The following PI4KA variants were observed in gnomAD, a reference collection of about 807,000 sequenced individuals.
PI4KA encodes the protein phosphatidylinositol 4-kinase alpha.
A neutral mutation model predicts 271.4 loss-of-function variants in PI4KA; 122 were observed. The observed-to-expected ratio is 0.45, with a 90% CI of 0.39 to 0.52. PI4KA has a LOEUF of 0.52. Among genes scored for constraint, PI4KA ranks in the 20% least tolerant of loss-of-function variants. The pLI, the probability that PI4KA is intolerant of heterozygous loss-of-function variation, is 0.00. For missense variants in PI4KA, 1,969 were observed against 2,769.1 expected (o/e 0.71, Z 6.48); for synonymous variants, 1,041 against 1,078.8 (o/e 0.96, Z 0.69).
At chr22:20,763,074 C>T (rs1295191694) in intron 22 of PI4KA, among the ~76,000 whole-genome samples, 4 of 149,034 alleles carry the variant, frequency 2.7e-5, no homozygotes, top group Admixed American at 6.8e-5. Context: ...TCAAAACTTC[C>T]GGGCTCAAGT....
At chr22:20,739,627 CCCAAGATGA>C (rs1929170610) in intron 32 of PI4KA, among the ~76,000 whole-genome samples, 1 of 71,500 alleles carries the variant, frequency 1.4e-5, no homozygotes, top group South Asian at 4.2e-4. Context: ...AAGAAACTGA[CCCAAGATGA>C]CTCAAATACA....
intron 23 of PI4KA, among the ~76,000 whole-genome samples, chr22:20,757,735 G>A (rs1227718545): frequency 6.6e-6 from 1 of 152,028 alleles, no homozygotes; most frequent in African/African-American, 2.4e-5. Flanking sequence ...GTAGAGATGG[G>A]GTTTCATCAT....
intron 1 of PI4KA, among the ~76,000 whole-genome samples, chr22:20,855,592 C>A (rs1264054984): frequency 6.6e-6 from 1 of 152,190 alleles, no homozygotes; most frequent in Non-Finnish European, 1.5e-5. Flanking sequence ...CATGTCAGGG[C>A]TGCCTGTAGA....
At position 20,799,269 on chromosome 22, in the gene PI4KA, G is replaced by T; in HGVS notation, c.1828C>A (p.His610Asn). The T allele has an allele frequency of 6.6e-7, 1 of 1,522,788 alleles. No individual in the cohort carries two copies. Among genetic ancestry groups the T allele is most frequent in the South Asian group, 1.3e-5 (1 of 75,422 alleles). 94.3% of individuals were successfully genotyped at this position (1,522,788 alleles called of 1,614,324 possible). The change falls in exon 16 of 55, where the codon CAC becomes AAC. Residue 610 changes from histidine (H) to asparagine (N), a missense_variant. His to Asn is a moderately conservative substitution (Grantham distance 68). This residue lies in a region of PI4KA where 228 missense variants were observed against 261.6 expected (regional missense o/e 0.87). Transcript: ENST00000255882. ...YISQESDKDA[H>N]LIPDHTIRAL... is the part of the protein sequence containing the mutation. ...CGGATTGTGTGGTCGGGAATCAAGT[G>T]AGCGTCCCTACAGAAGGAAGAACAG...
chr22:20,793,081 T>C (rs11704244), intron 19 of PI4KA, 112 bp downstream of exon 19: 11 of 728,772 alleles, frequency 1.5e-5, no homozygotes, highest in African/African-American at 8.8e-5. Flanking sequence ...TCTAGAGGCA[T>C]AGGGGCCTCA....
chr22:20,751,706 T>C lies in PI4KA; in HGVS notation c.3037A>G (p.Ile1013Val). 2 of 1,614,076 alleles carry C rather than the reference T, an allele frequency of 1.2e-6. No homozygotes were observed. Among genetic ancestry groups the C allele is most frequent in the Non-Finnish European group, 1.7e-6 (2 of 1,179,984 alleles). Reference protein sequence around the residue: ...SGTVLKTMLDILQTLSLSLSA... With the variant: ...SGTVLKTMLDVLQTLSLSLSA... ...AGTGACAGTGACAGGGTCTGCAGGA[T>C]GTCCAGCATGGTCTTCAGCACAGTC... The change falls in exon 26 of 55, where the codon ATC becomes GTC. Residue 1013 changes from isoleucine (I) to valine (V), a missense_variant. Transcript: ENST00000255882.
Position 20,805,588 on chromosome 22 carries a change from C to G in PI4KA, c.1169-423G>C, listed in dbSNP as rs546008580. Among the ~76,000 whole-genome samples, 7 of 151,986 alleles carry G rather than the reference C, an allele frequency of 4.6e-5. No homozygotes were observed. The East Asian group carries it at 1.4e-3, about 30-fold the overall frequency. On this transcript the variant is annotated intron_variant, in intron 10 of 54. Transcript: ENST00000255882. ...TGGCTCACGCCTGTAATCTCAGCAA[C>G]TTGGGAGGCCGAGGCGGGCAGATCA...
chr22:20,737,558 T>C (rs534436043), intron 32 of PI4KA, among the ~76,000 whole-genome samples: 1 of 151,838 alleles, frequency 6.6e-6, no homozygotes, highest in Admixed American at 6.5e-5. Context: ...CCAGGTACAA[T>C]GTGAGGGCTG....
At chr22:20,845,996 G>A (rs1222652510) in intron 1 of PI4KA, among the ~76,000 whole-genome samples, 1 of 152,130 alleles carries the variant, frequency 6.6e-6, no homozygotes, top group African/African-American at 2.4e-5. Context: ...TGTGGCTCAC[G>A]CCTGTAATCC....
At chr22:20,838,389 T>C (rs986654714) in intron 2 of PI4KA, among the ~76,000 whole-genome samples, 3 of 152,156 alleles carry the variant, frequency 2.0e-5, no homozygotes, top group South Asian at 2.1e-4. Context: ...ACACTTTTTT[T>C]ACAACATAAT....
rs762771928 is a variant in PI4KA at position 20,761,296 on chromosome 22, G to A, written c.2791+8C>T. The stretch of plus-strand genomic sequence containing the variant: ...TTCATCATGAAAGCACCATAATAAT[G>A]AGCTTACCAGATTTGTCTTTCTGAA... On this transcript the variant is annotated splice_region_variant and intron_variant, in intron 23 of 54. Transcript: ENST00000255882. 11 of 1,538,102 alleles carry A rather than the reference G, an allele frequency of 7.2e-6. No homozygotes were observed. In the Admixed American group the frequency reaches 8.3e-5, roughly 12 times the overall value.
intron 32 of PI4KA, among the ~76,000 whole-genome samples, chr22:20,734,898 T>C (rs1284103329): frequency 8.5e-5 from 13 of 152,186 alleles, no homozygotes; most frequent in Admixed American, 8.5e-4. Flanking sequence ...TCTGTGGCTG[T>C]GAGCGGGAAG....
At chr22:20,752,791 T>G in intron 25 of PI4KA, 112 bp downstream of exon 25, 1 of 1,180,578 alleles carries the variant, frequency 8.5e-7, no homozygotes, top group Non-Finnish European at 1.2e-6. Context: ...GAGTTTTCAT[T>G]CTGACTCCAT....
chr22:20,851,754 G>C (rs1263171978), intron 1 of PI4KA, among the ~76,000 whole-genome samples: 1 of 152,178 alleles, frequency 6.6e-6, no homozygotes, highest in Non-Finnish European at 1.5e-5. Flanking sequence ...ATAAACAAAT[G>C]CAAGTGAGAC....
chr22:20,849,102 C>T (rs1926639053), intron 1 of PI4KA, among the ~76,000 whole-genome samples: 1 of 152,190 alleles, frequency 6.6e-6, no homozygotes, highest in Non-Finnish European at 1.5e-5. Flanking sequence ...GGCTCAACAT[C>T]ATTAACCATC....
At chr22:20,845,802 C>T (rs1050027033) in intron 1 of PI4KA, among the ~76,000 whole-genome samples, 1 of 152,108 alleles carries the variant, frequency 6.6e-6, no homozygotes, top group Non-Finnish European at 1.5e-5. Context: ...GAGTTAGAGG[C>T]TGCAGTAAGC....
intron 2 of PI4KA, among the ~76,000 whole-genome samples, chr22:20,837,234 A>C (rs1026494639): frequency 6.6e-6 from 1 of 152,206 alleles, no homozygotes; most frequent in African/African-American, 2.4e-5. Flanking sequence ...ACAGAAAATT[A>C]AAAAATCATG....
chr22:20,726,564 G>C, intron 41 of PI4KA, 23 bp from the exon 42 acceptor site: 1 of 1,578,740 alleles, frequency 6.3e-7, no homozygotes, highest in Non-Finnish European at 8.6e-7. Context: ...AGCAGAGTTG[G>C]CCATGACTTC....
chr22:20,818,841 C>T (rs1218312679), intron 6 of PI4KA, among the ~76,000 whole-genome samples: 1 of 152,144 alleles, frequency 6.6e-6, no homozygotes, highest in Non-Finnish European at 1.5e-5. Context: ...CTTAAGGGCA[C>T]CAACTGTCTT....
Sources: allele counts gnomAD v4.1 joint callset (sites outside exome capture counted in the v4.1 genomes callset), GRCh38; gene constraint gnomAD v4.1.1; regional missense constraint gnomAD v4.1.1; transcripts MANE v1.5; gene names NCBI Gene and HGNC (gene_info 2026-07-23, HGNC 2026-07-21).